The following LARP1 variants were observed in gnomAD, a reference collection of about 807,000 sequenced individuals.
The protein encoded by LARP1 is La ribonucleoprotein 1, translational regulator, also known as la-related protein 1.
LARP1 carries 36 observed loss-of-function variants against 122.7 expected under a neutral mutation model. That is an observed-to-expected ratio of 0.29 (90% CI 0.22 to 0.39). The LOEUF is 0.39. Ranked by LOEUF, LARP1 falls within the 10% of genes least tolerant of loss-of-function variation. LARP1 has a pLI of 1.00. For missense variants in LARP1, 1,040 were observed against 1,403.6 expected, an observed-to-expected ratio of 0.74 and a Z score of 4.14; for synonymous variants, 539 against 528.7, an observed-to-expected ratio of 1.02 and a Z score of -0.27.
intron 1 of LARP1, among the ~76,000 whole-genome samples, chr5:154,720,171 A>G (rs1755772979): frequency 6.6e-6 from 1 of 151,880 alleles, no homozygotes; most frequent in African/African-American, 2.4e-5. Context: ...AGCCTGGGCA[A>G]CAGAGCGAGA....
chr5:154,738,963 T>C (rs1166580793), intron 1 of LARP1, among the ~76,000 whole-genome samples: 1 of 152,100 alleles, frequency 6.6e-6, no homozygotes, highest in Non-Finnish European at 1.5e-5. Flanking sequence ...AAATAAAAAA[T>C]TTAAAATAAA....
intron 1 of LARP1, among the ~76,000 whole-genome samples, chr5:154,741,353 A>G (rs1185376347): frequency 6.6e-6 from 1 of 152,182 alleles, no homozygotes; most frequent in Non-Finnish European, 1.5e-5. Context: ...CTGAGTGCCT[A>G]CTGAGGGATA....
intron 5 of LARP1, 35 bp from the exon 6 acceptor site, chr5:154,793,765 C>T: frequency 1.9e-6 from 3 of 1,614,156 alleles, no homozygotes; most frequent in East Asian, 2.2e-5. Context: ...TTGGGAGACA[C>T]CCTCAGGCCT....
chr5:154,715,908 A>C (rs1483480529), intron 1 of LARP1, among the ~76,000 whole-genome samples: 3 of 152,176 alleles, frequency 2.0e-5, no homozygotes, highest in Non-Finnish European at 2.9e-5. Context: ...CCATTTTACT[A>C]TTCCCATTTT....
chr5:154,763,270 C>T (rs990897745), intron 1 of LARP1, among the ~76,000 whole-genome samples: 3 of 151,880 alleles, frequency 2.0e-5, no homozygotes, highest in South Asian at 2.1e-4. Flanking sequence ...TCATGTTGGT[C>T]GGGTTGGTCT....
intron 1 of LARP1, among the ~76,000 whole-genome samples, chr5:154,735,311 C>G (rs140310909): frequency 6.6e-6 from 1 of 151,982 alleles, no homozygotes; most frequent in South Asian, 2.1e-4. Flanking sequence ...AAACATTAGC[C>G]AGGCGTGATG....
intron 1 of LARP1, among the ~76,000 whole-genome samples, chr5:154,741,968 T>C (rs1009648985): frequency 2.0e-5 from 3 of 152,192 alleles, no homozygotes; most frequent in Non-Finnish European, 4.4e-5. Context: ...CTGTGTATTT[T>C]ATTCACATTA....
intron 1 of LARP1, among the ~76,000 whole-genome samples, chr5:154,691,925 G>A (rs1754237822): frequency 6.6e-6 from 1 of 152,068 alleles, no homozygotes; most frequent in Non-Finnish European, 1.5e-5. Flanking sequence ...GAGTAGCTGG[G>A]ACTACAGGCC....
At chr5:154,764,614 A>C (rs1430196828) in intron 1 of LARP1, among the ~76,000 whole-genome samples, 1 of 148,818 alleles carries the variant, frequency 6.7e-6, no homozygotes, top group African/African-American at 2.5e-5. Flanking sequence ...AAAAAAAAAA[A>C]AAAAAACTGG....
At chr5:154,768,016 G>T (rs1372195472) in intron 1 of LARP1, among the ~76,000 whole-genome samples, 3 of 152,192 alleles carry the variant, frequency 2.0e-5, no homozygotes, top group Admixed American at 6.5e-5. Flanking sequence ...AAGCTTGGGG[G>T]TGCGGTGGGA....
chr5:154,771,490 A>G (rs1245233372), intron 1 of LARP1, among the ~76,000 whole-genome samples: 1 of 152,242 alleles, frequency 6.6e-6, no homozygotes, highest in Non-Finnish European at 1.5e-5. Flanking sequence ...GTTTGAGCCC[A>G]TGGCAGACTG....
chr5:154,804,298 C>T lies in LARP1; in HGVS notation c.2537C>T (p.Ala846Val). 1.9e-6 allele frequency: 3 copies of T among 1,613,328 alleles called. No homozygotes were observed. Among genetic ancestry groups the T allele is most frequent in the Non-Finnish European group, 2.5e-6 (3 of 1,179,284 alleles). Residue 846 changes from alanine (A) to valine (V), a missense_variant, in exon 14 of 19, where the codon GCT becomes GTT. By Grantham distance (64) the Ala-to-Val change is moderately conservative. This residue lies in a region of LARP1 where 26 missense variants were observed against 27.5 expected (regional missense o/e 0.94). Transcript: ENST00000518297. ...TCCCGTGAGCACAGGCCCCGTACTG[C>T]TTCCATCAGGTACCTGGGGCAGTGG... ...MDSREHRPRT[A>V]SISSSPSEGT... is the part of the protein sequence containing the mutation.
At chr5:154,779,996 C>T (rs1351310294) in intron 1 of LARP1, among the ~76,000 whole-genome samples, 1 of 152,104 alleles carries the variant, frequency 6.6e-6, no homozygotes, top group Non-Finnish European at 1.5e-5. Flanking sequence ...TGTAGGCCAT[C>T]CTGAACTCAC....
intron 15 of LARP1, among the ~76,000 whole-genome samples, chr5:154,807,277 G>A (rs1249579814): frequency 2.0e-5 from 3 of 151,920 alleles, no homozygotes; most frequent in African/African-American, 7.3e-5. Flanking sequence ...TTTGTCTATT[G>A]TGAATGATGC....
intron 1 of LARP1, among the ~76,000 whole-genome samples, chr5:154,689,618 TAAA>T (rs61699481): frequency 3.8e-5 from 5 of 131,848 alleles, no homozygotes; most frequent in Non-Finnish European, 4.9e-5. Context: ...TGACTCCGTT[TAAA>T]AAAAAAAAAA....
intron 10 of LARP1, among the ~76,000 whole-genome samples, chr5:154,801,169 A>G (rs191386343): frequency 4.8e-4 from 73 of 152,368 alleles, no homozygotes; most frequent in African/African-American, 1.7e-3. Context: ...TCAGCGTCTC[A>G]TATTCAGTCT....
chr5:154,706,017 C>G (rs992590225), intron 1 of LARP1, among the ~76,000 whole-genome samples: 20 of 152,064 alleles, frequency 1.3e-4, no homozygotes, highest in Non-Finnish European at 2.5e-4. Context: ...TACATATGGC[C>G]GGGCGCGGTG....
chr5:154,758,316 A>G (rs1340740366), intron 1 of LARP1, among the ~76,000 whole-genome samples: 1 of 152,180 alleles, frequency 6.6e-6, no homozygotes, highest in Non-Finnish European at 1.5e-5. Context: ...TTAAGTGCCC[A>G]AAGCAAAATT....
intron 14 of LARP1, among the ~76,000 whole-genome samples, chr5:154,805,466 C>T (rs550961573): frequency 7.9e-5 from 12 of 151,476 alleles, no homozygotes; most frequent in Admixed American, 6.5e-4. Context: ...AAGAAATCTG[C>T]GTATAAGTGG....
Sources: allele counts gnomAD v4.1 joint callset (sites outside exome capture counted in the v4.1 genomes callset), GRCh38; gene constraint gnomAD v4.1.1; regional missense constraint gnomAD v4.1.1; transcripts MANE v1.5; gene names NCBI Gene and HGNC (gene_info 2026-07-23, HGNC 2026-07-21).